CSMD3: variants seen among roughly 807,000 people sequenced by gnomAD.
CSMD3 encodes the protein CUB and Sushi multiple domains 3.
A neutral mutation model predicts 435.2 loss-of-function variants in CSMD3; 177 were observed. The ratio of observed to expected loss-of-function variants is 0.41; its 90% CI spans 0.36 to 0.46. The LOEUF (loss-of-function observed/expected upper bound fraction) is 0.46. CSMD3 is among the 20% of genes least tolerant of loss of function. The probability of loss-of-function intolerance (pLI) is 0.34; values close to 1 mark genes in which losing one functional copy is unlikely to be tolerated. For missense variants in CSMD3, 4,265 were observed against 4,504.6 expected, an observed-to-expected ratio of 0.95 and a Z score of 1.52; for synonymous variants, 1,656 against 1,520.5, an observed-to-expected ratio of 1.09 and a Z score of -2.07.
At chr8:113,312,701 C>T (rs945482548) in intron 2 of CSMD3, 3 of 152,064 alleles carry the variant, frequency 2.0e-5, no homozygotes, top group African/African-American at 7.2e-5. Context: ...TTATATCCCA[C>T]AGATTGCCAG....
intron 3 of CSMD3, among the ~76,000 whole-genome samples, chr8:113,179,187 T>A (rs965977765): frequency 6.6e-6 from 1 of 151,848 alleles, no homozygotes; most frequent in African/African-American, 2.4e-5. Flanking sequence ...ACCAATTTTA[T>A]AAGACTGTTG....
chr8:112,791,613 T>C (rs972276901), intron 13 of CSMD3, among the ~76,000 whole-genome samples: 1 of 152,088 alleles, frequency 6.6e-6, no homozygotes, highest in African/African-American at 2.4e-5. Flanking sequence ...ACATCCCCAA[T>C]TTTTGTTATA....
chr8:113,385,473 C>T (rs2094435489), intron 1 of CSMD3, among the ~76,000 whole-genome samples: 1 of 151,966 alleles, frequency 6.6e-6, no homozygotes, highest in African/African-American at 2.4e-5. Context: ...ATACATGCAC[C>T]TTGAATGGTG....
intron 56 of CSMD3, among the ~76,000 whole-genome samples, chr8:112,291,132 T>C (rs960270239): frequency 2.6e-5 from 4 of 151,968 alleles, no homozygotes; most frequent in Non-Finnish European, 5.9e-5. Context: ...TCTTCATGTA[T>C]TCTGAATCCA....
intron 6 of CSMD3, among the ~76,000 whole-genome samples, chr8:113,006,868 C>A (rs1459149222): frequency 2.0e-5 from 3 of 151,670 alleles, no homozygotes; most frequent in African/African-American, 7.3e-5. Context: ...AGAGAAAGGC[C>A]CAGCTTCAAT....
chr8:112,753,456 G>A (rs1214009689), intron 13 of CSMD3, among the ~76,000 whole-genome samples: 4 of 151,996 alleles, frequency 2.6e-5, no homozygotes, highest in Non-Finnish European at 5.9e-5. Context: ...AACATAATTC[G>A]GCAGCAGGGT....
At chr8:112,386,752 C>G (rs1298182182) in intron 36 of CSMD3, among the ~76,000 whole-genome samples, 1 of 152,086 alleles carries the variant, frequency 6.6e-6, no homozygotes, top group African/African-American at 2.4e-5. Context: ...CCGCCTCGGC[C>G]CCCCAAAGTG....
At chr8:112,761,285 T>A (rs1449019337) in intron 13 of CSMD3, among the ~76,000 whole-genome samples, 1 of 152,142 alleles carries the variant, frequency 6.6e-6, no homozygotes, top group Admixed American at 6.6e-5. Context: ...TTTCAAAAGT[T>A]GATTCTAGTT....
intron 18 of CSMD3, among the ~76,000 whole-genome samples, chr8:112,653,145 T>A (rs563172817): frequency 6.6e-6 from 1 of 152,334 alleles, no homozygotes; most frequent in African/African-American, 2.4e-5. Flanking sequence ...ATGTTGGCAA[T>A]GTACATAATT....
At position 112,779,161 on chromosome 8, in the gene CSMD3, ATG is replaced by A. The variant is rs112419092; in HGVS notation, c.1972+20999_1972+21000del. On this transcript the variant is annotated intron_variant, in intron 13 of 70. Coordinates refer to ENST00000297405, the MANE Select transcript of CSMD3 (RefSeq NM_198123.2). ...TATCTTGACACTGTATTTTGCAAAG[ATG>A]TGTGTGTGTGTGTGTTTGCGTGTGT... Among the ~76,000 whole-genome samples, 73 of 143,876 alleles carry A rather than the reference ATG, an allele frequency of 5.1e-4. 1 individual carries two copies. Among genetic ancestry groups the A allele is most frequent in the African/African-American group, 1.3e-3 (49 of 37,306 alleles). The allele number at this position is 143,876 out of a possible 152,430, so 94.4% of individuals were successfully genotyped here.
chr8:112,931,273 A>T (rs1441126218), intron 9 of CSMD3, among the ~76,000 whole-genome samples: 1 of 152,036 alleles, frequency 6.6e-6, no homozygotes, highest in Non-Finnish European at 1.5e-5. Flanking sequence ...CACTTCCTCT[A>T]ATCATAAAGA....
At chr8:112,687,870 C>T (rs2076046347) in intron 14 of CSMD3, among the ~76,000 whole-genome samples, 1 of 152,106 alleles carries the variant, frequency 6.6e-6, no homozygotes, top group South Asian at 2.1e-4. Context: ...CCCCAGTTTC[C>T]TACCACTTCC....
chr8:113,435,104 G>T (rs1240584318), intron 1 of CSMD3, among the ~76,000 whole-genome samples: 3 of 152,136 alleles, frequency 2.0e-5, no homozygotes, highest in Non-Finnish European at 4.4e-5. Context: ...TAAATGTGTG[G>T]CTCCTCACCC....
chr8:112,357,126 G>T (rs1004446041), intron 38 of CSMD3, among the ~76,000 whole-genome samples: 2 of 152,294 alleles, frequency 1.3e-5, no homozygotes, highest in Non-Finnish European at 2.9e-5. Flanking sequence ...TGACAAAAAT[G>T]CTGATAGTGA....
chr8:112,705,565 T>C (rs1311388974), intron 13 of CSMD3, among the ~76,000 whole-genome samples: 2 of 152,012 alleles, frequency 1.3e-5, no homozygotes, highest in Non-Finnish European at 2.9e-5. Context: ...ACATGAGATA[T>C]CATGTAAGTT....
intron 4 of CSMD3, among the ~76,000 whole-genome samples, chr8:113,105,118 A>G (rs1323004173): frequency 6.6e-6 from 1 of 152,116 alleles, no homozygotes; most frequent in Non-Finnish European, 1.5e-5. Flanking sequence ...AAATATTTAA[A>G]TTAAATCAAG....
intron 10 of CSMD3, among the ~76,000 whole-genome samples, chr8:112,878,760 T>C (rs2081363752): frequency 6.6e-6 from 1 of 152,096 alleles, no homozygotes; most frequent in African/African-American, 2.4e-5. Context: ...TTCATGTCCT[T>C]TGCTGGGTGT....
intron 9 of CSMD3, among the ~76,000 whole-genome samples, chr8:112,922,088 C>T (rs1445980901): frequency 6.6e-6 from 1 of 152,008 alleles, no homozygotes; most frequent in Non-Finnish European, 1.5e-5. Flanking sequence ...CATGTATTTA[C>T]ATGTGTATGT....
At chr8:113,218,177 T>G (rs1044612640) in intron 3 of CSMD3, among the ~76,000 whole-genome samples, 5 of 150,442 alleles carry the variant, frequency 3.3e-5, no homozygotes, top group Admixed American at 6.7e-5. Context: ...AATTTTTTTT[T>G]TTGTTTTTTG....
Sources: allele counts gnomAD v4.1 joint callset (sites outside exome capture counted in the v4.1 genomes callset), GRCh38; gene constraint gnomAD v4.1.1; transcripts MANE v1.5; gene names NCBI Gene and HGNC (gene_info 2026-07-23, HGNC 2026-07-21).